ZBTB20: variants seen among roughly 807,000 people sequenced by gnomAD.
ZBTB20 encodes zinc finger and BTB domain-containing protein 20.
ZBTB20 carries 9 observed loss-of-function variants against 56.9 expected under a neutral mutation model. The observed-to-expected ratio is 0.16, with a 90% CI of 0.10 to 0.28. The LOEUF is 0.28. Ranked by LOEUF, ZBTB20 falls within the 10% of genes least tolerant of loss-of-function variation. ZBTB20 has a pLI of 1.00. For synonymous variants in ZBTB20, 417 were observed against 420.7 expected, an observed-to-expected ratio of 0.99 and a Z score of 0.11; for missense variants, 655 against 1,003.0, an observed-to-expected ratio of 0.65 and a Z score of 4.69.
chr3:114,649,843 T>C (rs2060038211), intron 6 of ZBTB20, among the ~76,000 whole-genome samples: 2 of 151,874 alleles, frequency 1.3e-5, no homozygotes, highest in South Asian at 4.1e-4. Context: ...TGATTGGAGA[T>C]TTCCCTTTAA....
At chr3:114,558,383 A>T (rs1007435290) in intron 6 of ZBTB20, among the ~76,000 whole-genome samples, 3 of 152,036 alleles carry the variant, frequency 2.0e-5, no homozygotes, top group Non-Finnish European at 4.4e-5. Context: ...TCATTTGCGA[A>T]CAATACTGGA....
At chr3:114,667,000 C>T (rs2061094086) in intron 6 of ZBTB20, among the ~76,000 whole-genome samples, 1 of 151,996 alleles carries the variant, frequency 6.6e-6, no homozygotes, top group African/African-American at 2.4e-5. Flanking sequence ...TTCTAGATTA[C>T]ATATGAAATG....
chr3:115,012,392 G>T (rs1462901165), intron 2 of ZBTB20, among the ~76,000 whole-genome samples: 1 of 151,750 alleles, frequency 6.6e-6, no homozygotes, highest in Non-Finnish European at 1.5e-5. Context: ...CATGCCAATG[G>T]AAACTAAAAA....
intron 6 of ZBTB20, among the ~76,000 whole-genome samples, chr3:114,655,485 CTCATGA>C (rs2060358368): frequency 6.6e-6 from 1 of 151,608 alleles, no homozygotes; most frequent in Non-Finnish European, 1.5e-5. Context: ...ATCTCCTGAC[CTCATGA>C]TCCACCCGCC....
chr3:115,085,276 A>G (rs2082943548), intron 1 of ZBTB20, among the ~76,000 whole-genome samples: 1 of 151,958 alleles, frequency 6.6e-6, no homozygotes, highest in Non-Finnish European at 1.5e-5. Flanking sequence ...TGCGTGGCCT[A>G]ACAACACTGA....
At chr3:114,957,873 G>C (rs2077303386) in intron 3 of ZBTB20, among the ~76,000 whole-genome samples, 1 of 152,164 alleles carries the variant, frequency 6.6e-6, no homozygotes, top group East Asian at 1.9e-4. Flanking sequence ...TCTTATCTGG[G>C]ACGTGTACAC....
At chr3:114,792,911 T>C (rs967382699) in intron 5 of ZBTB20, among the ~76,000 whole-genome samples, 7 of 151,136 alleles carry the variant, frequency 4.6e-5, no homozygotes, top group African/African-American at 1.7e-4. Flanking sequence ...AGTCTTGCTT[T>C]GTTGCCCAGG....
chr3:115,108,865 G>A (rs1005613989), intron 1 of ZBTB20, among the ~76,000 whole-genome samples: 2 of 152,014 alleles, frequency 1.3e-5, no homozygotes, highest in African/African-American at 4.8e-5. Flanking sequence ...CAATTGTAAA[G>A]GAGAAATATG....
At chr3:114,584,178 A>G (rs75680970) in intron 6 of ZBTB20, among the ~76,000 whole-genome samples, 3,139 of 152,336 alleles carry the variant, frequency 0.021, 105 homozygotes, top group African/African-American at 0.071. Context: ...AATATTAAAA[A>G]GACATACACA....
intron 6 of ZBTB20, among the ~76,000 whole-genome samples, chr3:114,548,517 C>CTTTTTTTTTTTTTTTTTTTTTT (rs71146327): frequency 6.9e-6 from 1 of 145,002 alleles, no homozygotes; most frequent in Non-Finnish European, 1.5e-5. Context: ...TTTTTATTTT[C>CTTTTTTTTTTTTTTTTTTTTTT]TTTTTTTTTT....
chr3:114,647,903 G>C (rs1395074688), intron 6 of ZBTB20, among the ~76,000 whole-genome samples: 1 of 152,058 alleles, frequency 6.6e-6, no homozygotes, highest in African/African-American at 2.4e-5. Context: ...ATTAGGAGTA[G>C]AAGAAAAATG....
chr3:114,795,372 C>T (rs1227127820), intron 5 of ZBTB20, among the ~76,000 whole-genome samples: 1 of 151,974 alleles, frequency 6.6e-6, no homozygotes, highest in Non-Finnish European at 1.5e-5. Context: ...AATTAAAATT[C>T]CTCACTCTGG....
intron 2 of ZBTB20, among the ~76,000 whole-genome samples, chr3:115,002,398 A>G (rs995566250): frequency 2.0e-5 from 3 of 151,600 alleles, no homozygotes; most frequent in Non-Finnish European, 4.4e-5. Context: ...TAAAACTTCC[A>G]TATTTGTGAA....
chr3:114,515,533 T>C (rs554873170), intron 6 of ZBTB20, among the ~76,000 whole-genome samples: 75 of 152,242 alleles, frequency 4.9e-4, no homozygotes, highest in Non-Finnish European at 8.8e-4. Flanking sequence ...TAAAATTTGC[T>C]CCTAGTCAGT....
intron 6 of ZBTB20, among the ~76,000 whole-genome samples, chr3:114,688,992 C>T (rs1269467700): frequency 6.6e-6 from 1 of 152,114 alleles, no homozygotes; most frequent in Non-Finnish European, 1.5e-5. Flanking sequence ...CTTCATATCA[C>T]AGACTCTAGG....
intron 6 of ZBTB20, among the ~76,000 whole-genome samples, chr3:114,606,814 G>C (rs572704924): frequency 6.6e-5 from 10 of 152,038 alleles, no homozygotes; most frequent in African/African-American, 1.9e-4. Flanking sequence ...ACATTTTTGC[G>C]GCCAGGCACT....
chr3:114,590,070 A>C (rs2055583233), intron 6 of ZBTB20, among the ~76,000 whole-genome samples: 1 of 152,212 alleles, frequency 6.6e-6, no homozygotes, highest in South Asian at 2.1e-4. Flanking sequence ...CAGAAAGTGA[A>C]ATGTGATAAA....
At chr3:114,653,614 T>C (rs941714887) in intron 6 of ZBTB20, among the ~76,000 whole-genome samples, 1 of 151,958 alleles carries the variant, frequency 6.6e-6, no homozygotes, top group African/African-American at 2.4e-5. Flanking sequence ...GGTTTTGCTG[T>C]TGGGATTATG....
intron 5 of ZBTB20, among the ~76,000 whole-genome samples, chr3:114,702,809 C>T (rs975040347): frequency 6.6e-6 from 1 of 151,916 alleles, no homozygotes; most frequent in Non-Finnish European, 1.5e-5. Flanking sequence ...AATACTTGTT[C>T]AAGTTAACCT....
Sources: gnomAD v4.1 joint callset for allele counts (sites outside exome capture counted in the v4.1 genomes callset) on GRCh38, gnomAD v4.1.1 for gene constraint, MANE v1.5 for transcripts, NCBI Gene and HGNC (gene_info 2026-07-23, HGNC 2026-07-21) for gene names.